Variants in GTSE1 observed in about 807,000 individuals in gnomAD.
The protein encoded by GTSE1 is G2 and S-phase expressed 1.
Under a neutral mutation model 60.5 loss-of-function variants are expected in GTSE1, and 52 were observed. The observed-to-expected ratio is 0.86, with a 90% CI of 0.69 to 1.08. The LOEUF (loss-of-function observed/expected upper bound fraction) is 1.08. Among genes scored for constraint, GTSE1 ranks in the 50% least tolerant of loss-of-function variants. The pLI is 0.00. For synonymous variants in GTSE1, 368 were observed against 386.5 expected (o/e 0.95, Z 0.56); for missense variants, 937 against 961.8 (o/e 0.97, Z 0.34).
At chr22:46,298,500 G>A (rs1301593054) in intron 2 of GTSE1, among the ~76,000 whole-genome samples, 2 of 151,940 alleles carry the variant, frequency 1.3e-5, no homozygotes, top group African/African-American at 4.8e-5. Context: ...TAGAGATGGG[G>A]TTTTACCATG....
chr22:46,313,378 A>G lies in GTSE1; in HGVS notation c.928-512A>G, dbSNP rs2077759862. Reference sequence around the variant, plus strand: ...GGGGCCCCAAATCTGCATTTCTGCTAGCTCCCTAATGTGGTCCTCATGCAG... The same window carrying G: ...GGGGCCCCAAATCTGCATTTCTGCTGGCTCCCTAATGTGGTCCTCATGCAG... On this transcript the variant is annotated intron_variant, in intron 5 of 11. Coordinates refer to ENST00000454366, the MANE Select transcript of GTSE1 (RefSeq NM_016426.7). The surrounding 1 kb of genome is among the most constrained non-coding windows in gnomAD (Gnocchi z 4.4). Among the ~76,000 whole-genome samples, 1 of 152,174 alleles carries G rather than the reference A, an allele frequency of 6.6e-6. No homozygotes were observed. Among genetic ancestry groups the G allele is most frequent in the Non-Finnish European group, 1.5e-5 (1 of 68,036 alleles).
intron 8 of GTSE1, among the ~76,000 whole-genome samples, chr22:46,325,228 G>A (rs779224720): frequency 5.9e-5 from 9 of 152,144 alleles, no homozygotes; most frequent in South Asian, 2.1e-4. Flanking sequence ...ATGGAGACTC[G>A]CTCTGTCACC....
rs113094970 is a variant in GTSE1, at chr22:46,318,431, C to T, written c.1432+2019C>T. On this transcript the variant is annotated intron_variant, in intron 7 of 11. Coordinates refer to ENST00000454366, the MANE Select transcript of GTSE1 (RefSeq NM_016426.7). The surrounding 1 kb of genome is among the most constrained non-coding windows in gnomAD (Gnocchi z 4.8). Reference sequence around the variant, plus strand: ...ACAAGGGACATCATGATAAGACAGACCTACTCTCACAGAATTTCTGTTTAA... The same window carrying T: ...ACAAGGGACATCATGATAAGACAGATCTACTCTCACAGAATTTCTGTTTAA... 5.8e-3 allele frequency among the ~76,000 whole-genome samples: 882 copies of T among 152,306 alleles called. 5 individuals are homozygous for T. The highest frequency in any genetic ancestry group is 0.027 in the South Asian group (129 of 4,822).
In GTSE1 at chr22:46,324,589, G is replaced by A. The variant is rs527923237; in HGVS notation, c.1505+1327G>A. On this transcript the variant is annotated intron_variant, in intron 8 of 11. Coordinates refer to ENST00000454366, the MANE Select transcript of GTSE1 (RefSeq NM_016426.7). This position sits in a 1 kb window ranked among gnomAD's most constrained non-coding sequence, Gnocchi z 5.2. The stretch of plus-strand genomic sequence containing the variant: ...TCACCGTGTTAGCCAGGATGGTCTC[G>A]ATCTCCTGGCCTCGTGATCCACCAG... Among the ~76,000 whole-genome samples the A allele has an allele frequency of 3.3e-5, 5 of 152,210 alleles. No homozygotes were observed. Among genetic ancestry groups the A allele is most frequent in the South Asian group, 2.1e-4 (1 of 4,824 alleles).
rs543077405 is a variant in GTSE1, at chr22:46,316,985, G to T, written c.1432+573G>T. Among the ~76,000 whole-genome samples the T allele has an allele frequency of 2.7e-5, 4 of 147,832 alleles. No homozygotes were observed. The South Asian group carries it at 8.5e-4, about 31-fold the overall frequency. The stretch of plus-strand genomic sequence containing the variant: ...TTTTTTGTTTTTTGTTTTTTGAGAC[G>T]GAGTCTCGCTCTGTCACCCAGGGTG... On this transcript the variant is annotated intron_variant, in intron 7 of 11. Transcript: ENST00000454366. This position sits in a 1 kb window ranked among gnomAD's most constrained non-coding sequence, Gnocchi z 5.0.
chr22:46,303,642 C>T (rs1014692855), intron 2 of GTSE1, among the ~76,000 whole-genome samples: 4 of 152,118 alleles, frequency 2.6e-5, no homozygotes, highest in African/African-American at 4.8e-5. Flanking sequence ...TCATTAAGTC[C>T]GATACTGGGT....
At chr22:46,323,069 C>T (rs902220854) in intron 7 of GTSE1, 121 bp from the exon 8 acceptor site, 4 of 756,388 alleles carry the variant, frequency 5.3e-6, no homozygotes, top group African/African-American at 5.1e-5. Context: ...GCCAGTGCCA[C>T]CTACACTCAA....
In GTSE1 at chr22:46,308,144, C is replaced by T. The variant is rs756730611; in HGVS notation, c.80-6C>T. 1.2e-6 allele frequency: 2 copies of T among 1,601,128 alleles called. No individual in the cohort carries two copies. The highest frequency in any genetic ancestry group is 1.7e-6 in the Non-Finnish European group (2 of 1,168,392). On this transcript the variant is annotated splice_region_variant and splice_polypyrimidine_tract_variant and intron_variant, in intron 2 of 11. Coordinates refer to ENST00000454366, the MANE Select transcript of GTSE1 (RefSeq NM_016426.7). ...ACTAAAATAACAGTGGATTTTTTCC[C>T]TCTAGACATTCTTCTTTTGGCCGAT...
In GTSE1 at chr22:46,317,431, G is replaced by A. The variant is rs2077787899; in HGVS notation, c.1432+1019G>A. 6.6e-6 allele frequency among the ~76,000 whole-genome samples: 1 copy of A among 152,048 alleles called. No individual in the cohort carries two copies. ...CTTGGGTTTTCTTTTACATCCTCGT[G>A]AGCAAATTGATAATGGTTTTAGGGT... On this transcript the variant is annotated intron_variant, in intron 7 of 11. Transcript: ENST00000454366. This position sits in a 1 kb window ranked among gnomAD's most constrained non-coding sequence, Gnocchi z 5.6.
Position 46,324,200 on chromosome 22 carries a change from A to G in GTSE1, c.1505+938A>G, listed in dbSNP as rs2077830770. Among the ~76,000 whole-genome samples the G allele has an allele frequency of 6.6e-6, 1 of 151,970 alleles. No individual in the cohort carries two copies. The highest frequency in any genetic ancestry group is 2.1e-4 in the South Asian group (1 of 4,804). ...GCGAGGTCGAACTAGCCAGTCCCTC[A>G]CGTGCTGCGCATGGTGCCATGCTAA... On this transcript the variant is annotated intron_variant, in intron 8 of 11. Transcript: ENST00000454366. The surrounding 1 kb of genome is among the most constrained non-coding windows in gnomAD (Gnocchi z 5.2).
Position 46,314,150 on chromosome 22 carries a change from A to T in GTSE1, c.1051+137A>T. 4 of 1,069,224 alleles carry T rather than the reference A, an allele frequency of 3.7e-6. No individual in the cohort carries two copies. Among genetic ancestry groups the T allele is most frequent in the Non-Finnish European group, 5.5e-6 (4 of 732,644 alleles). 66.2% of individuals were successfully genotyped at this position (1,069,224 alleles called of 1,614,324 possible). A position where few individuals can be genotyped will look rare whatever the true frequency, so the allele number is the denominator to read the frequency against. ...CCGGAGGGCGTGCTGTGTGCGGTGG[A>T]CCAGGCTGTGGACTGAGTTGCTGTA... is the stretch of plus-strand genomic sequence containing the variant. On this transcript the variant is annotated intron_variant, in intron 6 of 11. Transcript: ENST00000454366. This position sits in a 1 kb window ranked among gnomAD's most constrained non-coding sequence, Gnocchi z 7.1.
chr22:46,308,559 T>TGAA lies in GTSE1; in HGVS notation c.381_383dup (p.Glu127dup). The TGAA allele has an allele frequency of 6.2e-7, 1 of 1,614,164 alleles. No individual in the cohort carries two copies. Among genetic ancestry groups the TGAA allele is most frequent in the Non-Finnish European group, 8.5e-7 (1 of 1,180,024 alleles). On this transcript the variant is annotated inframe_insertion, in exon 4 of 12. Transcript: ENST00000454366. ...ACCAGGCAGCCCAAGCTGCCAAGCC[T>TGAA]GAAGACCCTCGGAGCCAGGGCGTGG...
chr22:46,315,587 A>G (rs948232410), intron 6 of GTSE1, among the ~76,000 whole-genome samples: 6 of 152,218 alleles, frequency 3.9e-5, no homozygotes, highest in Non-Finnish European at 7.3e-5. Flanking sequence ...TCTATTTTAA[A>G]TAGTGCTTAT....
intron 6 of GTSE1, among the ~76,000 whole-genome samples, chr22:46,315,224 A>AATT (rs756611346): frequency 6.6e-6 from 1 of 152,028 alleles, no homozygotes; most frequent in Non-Finnish European, 1.5e-5. Flanking sequence ...ACGCCCGGCT[A>AATT]ATTTTTGTAT....
chr22:46,326,564 C>G lies in GTSE1; in HGVS notation c.1634C>G (p.Thr545Ser). ...CGCTGCTCTGGCCTTCCACCGATGA[C>G]CCCCAAAACGATGCCCAGGGCCGTG... The part of the protein sequence containing the change: ...SRRCSGLPPM[T>S]PKTMPRAVGS... The change falls in exon 9 of 12, where the codon ACC becomes AGC. Residue 545 changes from threonine to serine, a missense_variant. Transcript: ENST00000454366. 1 of 1,614,174 alleles carries G rather than the reference C, an allele frequency of 6.2e-7. No individual in the cohort carries two copies. The highest frequency in any genetic ancestry group is 1.1e-5 in the South Asian group (1 of 91,074).
At position 46,330,013 on chromosome 22, in the gene GTSE1, C is replaced by A. The variant is rs755662299; in HGVS notation, c.2137-34C>A. The A allele has an allele frequency of 7.5e-7, 1 of 1,333,050 alleles. No individual in the cohort carries two copies. The highest frequency in any genetic ancestry group is 1.1e-6 in the Non-Finnish European group (1 of 923,476). The allele number at this position is 1,333,050 out of a possible 1,614,324, so 82.6% of individuals were successfully genotyped here. A position where few individuals can be genotyped will look rare whatever the true frequency, so the allele number is the denominator to read the frequency against. On this transcript the variant is annotated intron_variant, in intron 11 of 11. Coordinates refer to ENST00000454366, the MANE Select transcript of GTSE1 (RefSeq NM_016426.7). This position sits in a 1 kb window ranked among gnomAD's most constrained non-coding sequence, Gnocchi z 6.0. ...AGGGGAAGGGAGGCCCTAGCCGGAT[C>A]CACGCTCACCTCCTCCACTCTGCTC... is the stretch of plus-strand genomic sequence containing the variant.
chr22:46,317,998 GGTTCCTAGAGCTC>G lies in GTSE1; in HGVS notation c.1432+1591_1432+1603del, dbSNP rs1349105223. ...CAGCCAGAGACTCGAGATTCCCTTG[GGTTCCTAGAGCTC>G]GTTCTGTCGGAGTAGCCCCCTCCTC... On this transcript the variant is annotated intron_variant, in intron 7 of 11. Transcript: ENST00000454366. The surrounding 1 kb of genome is among the most constrained non-coding windows in gnomAD (Gnocchi z 5.6). 4.6e-5 allele frequency among the ~76,000 whole-genome samples: 7 copies of G among 152,310 alleles called. No individual in the cohort carries two copies. Among genetic ancestry groups the G allele is most frequent in the African/African-American group, 1.7e-4 (7 of 41,576 alleles).
chr22:46,310,585 T>C lies in GTSE1; in HGVS notation c.763-1556T>C, dbSNP rs775592553. On this transcript the variant is annotated intron_variant, in intron 4 of 11. Transcript: ENST00000454366. This position sits in a 1 kb window ranked among gnomAD's most constrained non-coding sequence, Gnocchi z 4.4. Reference sequence around the variant, plus strand: ...AACCCAGGCATCCAGCAAATGATGATTGGGTAACGAAAATGCAGTCTATCC... The same window carrying C: ...AACCCAGGCATCCAGCAAATGATGACTGGGTAACGAAAATGCAGTCTATCC... Among the ~76,000 whole-genome samples the C allele has an allele frequency of 3.9e-5, 6 of 152,174 alleles. No individual in the cohort carries two copies. The highest frequency in any genetic ancestry group is 8.8e-5 in the Non-Finnish European group (6 of 68,026).
At chr22:46,327,394 C>T (rs1331818616) in intron 9 of GTSE1, 5 of 152,064 alleles carry the variant, frequency 3.3e-5, no homozygotes, top group Non-Finnish European at 5.9e-5. Context: ...ACTATCTTAG[C>T]CGGGCGCGGT....
Sources: allele counts gnomAD v4.1 joint callset (sites outside exome capture counted in the v4.1 genomes callset), GRCh38; gene constraint gnomAD v4.1.1; non-coding constraint Gnocchi (gnomAD v3.1); transcripts MANE v1.5; gene names NCBI Gene and HGNC (gene_info 2026-07-23, HGNC 2026-07-21).